The following PTGER3 variants were observed in gnomAD, a reference collection of about 807,000 sequenced individuals.
PTGER3 encodes prostaglandin E receptor 3, also known as prostaglandin E2 receptor EP3 subtype.
PTGER3 carries 22 observed loss-of-function variants against 34.7 expected under a neutral mutation model. The ratio of observed to expected loss-of-function variants is 0.63; its 90% CI spans 0.45 to 0.91. The LOEUF (loss-of-function observed/expected upper bound fraction) is 0.91, where lower values mean the gene tolerates loss of function less well. Among genes scored for constraint, PTGER3 ranks in the 40% least tolerant of loss-of-function variants. The probability of loss-of-function intolerance (pLI) is 0.00; values close to 1 mark genes in which losing one functional copy is unlikely to be tolerated. For missense variants in PTGER3, 468 were observed against 519.4 expected (o/e 0.90, Z 0.96); for synonymous variants, 241 against 230.1 (o/e 1.05, Z -0.43).
chr1:70,977,119 G>A (rs1486121385), intron 2 of PTGER3, among the ~76,000 whole-genome samples: 1 of 152,118 alleles, frequency 6.6e-6, no homozygotes, highest in Non-Finnish European at 1.5e-5. Context: ...TATTTGGAGG[G>A]AGGGTCGGTG....
Position 70,855,538 on chromosome 1 carries a change from C to T in PTGER3, c.*24-2679G>A, listed in dbSNP as rs149254288. Among the ~76,000 whole-genome samples, 219 of 151,834 alleles carry T rather than the reference C, an allele frequency of 1.4e-3. 2 individuals are homozygous for T. Among genetic ancestry groups the T allele is most frequent in the African/African-American group, 4.6e-3 (191 of 41,384 alleles). On this transcript the variant is annotated intron_variant, in intron 4 of 4. Transcript: ENST00000370931. Reference sequence around the variant, plus strand: ...TAAATAAATAAATTAGTTCTGTGAACGCGACAAAATATCGATTATTGTTTT... The same window carrying T: ...TAAATAAATAAATTAGTTCTGTGAATGCGACAAAATATCGATTATTGTTTT...
chr1:70,956,378 AT>A (rs11339128), intron 2 of PTGER3, among the ~76,000 whole-genome samples: 91,444 of 149,550 alleles, frequency 0.61, 28,116 homozygotes, highest in East Asian at 0.72. Flanking sequence ...TTAAAGTTTC[AT>A]TTTTTTTTTT....
At chr1:70,964,501 G>A (rs1383846045) in intron 2 of PTGER3, among the ~76,000 whole-genome samples, 1 of 152,152 alleles carries the variant, frequency 6.6e-6, no homozygotes, top group Non-Finnish European at 1.5e-5. Context: ...ATGGCAGCAG[G>A]AAAGACAGCA....
At chr1:71,036,518 A>G (rs1225064518) in intron 1 of PTGER3, among the ~76,000 whole-genome samples, 1 of 152,014 alleles carries the variant, frequency 6.6e-6, no homozygotes, top group Admixed American at 6.5e-5. Context: ...CCCTATCTCA[A>G]AATAAAATAA....
rs149865074 is a variant in PTGER3, at chr1:70,981,968, G to A, written c.1078-7580C>T. The stretch of plus-strand genomic sequence containing the variant: ...TCCCATTCTTTTTGACATATGCACA[G>A]ACTAATTTTCTTTCAAGGGCAAGTT... On this transcript the variant is annotated intron_variant, in intron 2 of 3. Transcript: ENST00000306666. Among the ~76,000 whole-genome samples the A allele has an allele frequency of 3.2e-3, 484 of 152,206 alleles. 1 individual carries two copies. Among genetic ancestry groups the A allele is most frequent in the Non-Finnish European group, 5.6e-3 (380 of 68,014 alleles).
rs565234252 is a variant in PTGER3 at position 70,973,872 on chromosome 1, CAT to C, written c.1169+423_1169+424del. On this transcript the variant is annotated intron_variant, in intron 3 of 3. Coordinates refer to ENST00000306666, the MANE Select transcript of PTGER3 (RefSeq NM_198719.2). ...TTTAGAGTACTCATTCATTGAAGTA[CAT>C]GTTTTATTCAAAATAGATCTAATCA... is the stretch of plus-strand genomic sequence containing the variant. Among the ~76,000 whole-genome samples the C allele has an allele frequency of 2.9e-3, 445 of 152,218 alleles. 3 individuals are homozygous for C. Among genetic ancestry groups the C allele is most frequent in the Non-Finnish European group, 5.2e-3 (353 of 68,022 alleles).
rs1196939574 is a variant in PTGER3, at chr1:71,012,447, A to G, written c.935T>C (p.Val312Ala). ...CTCCGTGTGTGTCTTGCAGTGCTCA[A>G]CTGATGTCTGATTGAAGATCATTTT... Reference protein sequence around the residue: ...MLKMIFNQTSVEHCKTHTEKQ... With the variant: ...MLKMIFNQTSAEHCKTHTEKQ... Residue 312 changes from valine to alanine, a missense_variant, in exon 2 of 4, where the codon GTT (valine) becomes GCT (alanine). By Grantham distance (64) the Val-to-Ala change is moderately conservative. This residue lies in a region of PTGER3 where 204 missense variants were observed against 230.8 expected (regional missense o/e 0.88). Coordinates refer to ENST00000306666, the MANE Select transcript of PTGER3 (RefSeq NM_198719.2). 7.4e-6 allele frequency: 12 copies of G among 1,613,600 alleles called. No homozygotes were observed. The highest frequency in any genetic ancestry group is 9.3e-6 in the Non-Finnish European group (11 of 1,179,856).
At chr1:70,922,906 G>A (rs968856528) in intron 4 of PTGER3, among the ~76,000 whole-genome samples, 4 of 152,136 alleles carry the variant, frequency 2.6e-5, no homozygotes, top group African/African-American at 9.7e-5. Context: ...TAAAGTTAAA[G>A]GGGTATTATT....
chr1:70,852,847 C>T, exon 5 of PTGER3: 1 of 1,613,132 alleles, frequency 6.2e-7, no homozygotes, highest in Admixed American at 1.7e-5. Context: ...TTTTAATTTC[C>T]CCAAAATTCC....
At chr1:70,870,733 T>C (rs1646145079) in intron 4 of PTGER3, among the ~76,000 whole-genome samples, 1 of 152,200 alleles carries the variant, frequency 6.6e-6, no homozygotes, top group Non-Finnish European at 1.5e-5. Context: ...TCCTAAGGCA[T>C]GGATACAATA....
At chr1:70,956,833 A>G (rs1295862396) in intron 2 of PTGER3, among the ~76,000 whole-genome samples, 2 of 152,140 alleles carry the variant, frequency 1.3e-5, no homozygotes, top group Non-Finnish European at 2.9e-5. Flanking sequence ...GTGAAACCCC[A>G]TCTCGACAAA....
intron 2 of PTGER3, chr1:71,009,278 C>T: frequency 2.0e-6 from 2 of 984,638 alleles, no homozygotes; most frequent in Non-Finnish European, 2.4e-6. Flanking sequence ...TGAGGTTTTG[C>T]ATTATTTTCT....
intron 1 of PTGER3, among the ~76,000 whole-genome samples, chr1:71,035,600 C>T (rs1199220747): frequency 2.6e-5 from 4 of 152,256 alleles, no homozygotes; most frequent in South Asian, 2.1e-4. Flanking sequence ...ATCCATTAGG[C>T]AACCTTAAGT....
chr1:70,878,236 T>C (rs1162364259), intron 4 of PTGER3, among the ~76,000 whole-genome samples: 1 of 152,176 alleles, frequency 6.6e-6, no homozygotes, highest in Non-Finnish European at 1.5e-5. Flanking sequence ...CCATTTCTTC[T>C]AGATTTTCTA....
intron 4 of PTGER3, among the ~76,000 whole-genome samples, chr1:70,895,821 G>A (rs1646712268): frequency 6.6e-6 from 1 of 152,188 alleles, no homozygotes; most frequent in African/African-American, 2.4e-5. Flanking sequence ...TCAAAGCTCA[G>A]GCTAAGGTGG....
intron 1 of PTGER3, among the ~76,000 whole-genome samples, chr1:71,041,291 A>ACAGT (rs2100994306): frequency 6.6e-6 from 1 of 152,340 alleles, no homozygotes; most frequent in South Asian, 2.1e-4. Context: ...ATCTGGCAAC[A>ACAGT]CAGTCCACTG....
chr1:70,970,105 C>G (rs1249698348), downstream of PTGER3, among the ~76,000 whole-genome samples: 1 of 152,138 alleles, frequency 6.6e-6, no homozygotes, highest in Admixed American at 6.5e-5. Context: ...TCTTTCATCC[C>G]ATTGTGCTGT....
chr1:70,996,642 TA>T (rs1401580133), intron 2 of PTGER3, among the ~76,000 whole-genome samples: 6 of 126,434 alleles, frequency 4.7e-5, no homozygotes, highest in African/African-American at 1.7e-4. Flanking sequence ...TTTGTATTTT[TA>T]TTTATTTATT....
chr1:70,871,359 A>G (rs1352774136), intron 4 of PTGER3, among the ~76,000 whole-genome samples: 1 of 152,176 alleles, frequency 6.6e-6, no homozygotes, highest in Non-Finnish European at 1.5e-5. Flanking sequence ...ATCTGCCTGG[A>G]TGAACCAAAT....
Sources: gnomAD v4.1 joint callset for allele counts (sites outside exome capture counted in the v4.1 genomes callset) on GRCh38, gnomAD v4.1.1 for gene constraint, gnomAD v4.1.1 regional missense constraint, MANE v1.5 for transcripts, NCBI Gene and HGNC (gene_info 2026-07-23, HGNC 2026-07-21) for gene names.